The following RIMBP2 variants were observed in gnomAD, a reference collection of about 807,000 sequenced individuals.
RIMBP2 encodes RIMS binding protein 2.
RIMBP2 carries 48 observed loss-of-function variants against 118.6 expected under a neutral mutation model. The ratio of observed to expected loss-of-function variants is 0.40; its 90% confidence interval spans 0.32 to 0.51. The LOEUF (loss-of-function observed/expected upper bound fraction) is 0.51, where lower values mean the gene tolerates loss of function less well. RIMBP2 is among the 20% of genes least tolerant of loss of function. The pLI, the probability that RIMBP2 is intolerant of heterozygous loss-of-function variation, is 0.41. For missense variants in RIMBP2, 1,551 were observed against 1,768.3 expected, an observed-to-expected ratio of 0.88 and a Z score of 2.20; for synonymous variants, 762 against 742.9, an observed-to-expected ratio of 1.03 and a Z score of -0.42.
intron 2 of RIMBP2, among the ~76,000 whole-genome samples, chr12:130,569,632 G>C (rs919563133): frequency 3.3e-5 from 5 of 152,194 alleles, no homozygotes; most frequent in African/African-American, 1.2e-4. Flanking sequence ...CTATTCTCCT[G>C]ATAGTGGGTT....
In RIMBP2 at chr12:130,424,543, T is replaced by C. The variant is rs888745079; in HGVS notation, c.2728A>G (p.Ser910Gly). Residue 910 changes from serine (S) to glycine (G), a missense_variant, in exon 16 of 23, where the codon AGC (serine) becomes GGC (glycine). Coordinates refer to ENST00000690449, the MANE Select transcript of RIMBP2 (RefSeq NM_001393629.1). This position sits in a 1 kb window ranked among gnomAD's most constrained non-coding sequence, Gnocchi z 9.8. ...TCCGGGCTCCGGGTGGCCGAGCGGC[T>C]GAACCGACAGCCCCTGTCTTCCAGA... ...FLLEDRGCRF[S>G]RSATRSPDSG... The C allele has an allele frequency of 1.6e-6, 2 of 1,231,934 alleles. No homozygotes were observed. The highest frequency in any genetic ancestry group is 1.0e-6 in the Non-Finnish European group (1 of 987,822). The allele number at this position is 1,231,934 out of a possible 1,614,324, so 76.3% of individuals were successfully genotyped here.
At chr12:130,588,095 T>C (rs1463979008) in intron 2 of RIMBP2, among the ~76,000 whole-genome samples, 2 of 152,028 alleles carry the variant, frequency 1.3e-5, no homozygotes, top group East Asian at 3.9e-4. Flanking sequence ...CCCCATCCCA[T>C]CTGAATCATC....
intron 2 of RIMBP2, among the ~76,000 whole-genome samples, chr12:130,547,201 C>G (rs140014319): frequency 5.3e-5 from 8 of 152,260 alleles, no homozygotes; most frequent in African/African-American, 1.9e-4. Flanking sequence ...AGTTAGGGCT[C>G]TTTTAATATT....
In RIMBP2 at chr12:130,498,954, A is replaced by C. The variant is rs750655111; in HGVS notation, c.-4+7694T>G. Among the ~76,000 whole-genome samples the C allele has an allele frequency of 6.0e-4, 91 of 152,354 alleles. 1 individual carries two copies. The highest frequency in any genetic ancestry group is 6.8e-3 in the Middle Eastern group (2 of 294). ...AGTCCATTCTCACACTGCTATAAAG[A>C]CATACCTAAAACTGAGTAATTTGTG... On this transcript the variant is annotated intron_variant, in intron 4 of 22. Coordinates refer to ENST00000690449, the MANE Select transcript of RIMBP2 (RefSeq NM_001393629.1).
chr12:130,510,800 G>A (rs1417409837), intron 3 of RIMBP2, among the ~76,000 whole-genome samples: 1 of 152,156 alleles, frequency 6.6e-6, no homozygotes, highest in Non-Finnish European at 1.5e-5. Context: ...CTCGTCTCAT[G>A]CCACAATTAT....
At chr12:130,412,598 C>T (rs370443783) in intron 19 of RIMBP2, 21 bp downstream of exon 19, 16 of 1,607,132 alleles carry the variant, frequency 1.0e-5, no homozygotes, top group East Asian at 8.9e-5. Context: ...CAGGGAAGGT[C>T]GAATAGGGGT....
Position 130,688,267 on chromosome 12 carries a change from A to G in RIMBP2, c.-352+27955T>C, listed in dbSNP as rs538472447. 5.3e-5 allele frequency among the ~76,000 whole-genome samples: 8 copies of G among 152,128 alleles called. No homozygotes were observed. The highest frequency in any genetic ancestry group is 1.9e-4 in the African/African-American group (8 of 41,518). On this transcript the variant is annotated intron_variant, in intron 1 of 22. Coordinates refer to ENST00000690449, the MANE Select transcript of RIMBP2 (RefSeq NM_001393629.1). The surrounding 1 kb of genome is among the most constrained non-coding windows in gnomAD (Gnocchi z 4.7). The stretch of plus-strand genomic sequence containing the variant: ...ACGTGCCCAGCTCTGCACCATGGGC[A>G]CCCGGCAGACCCTCCTGCTGTTTCT...
chr12:130,607,712 G>A (rs531930006), intron 2 of RIMBP2, among the ~76,000 whole-genome samples: 7 of 152,072 alleles, frequency 4.6e-5, no homozygotes, highest in East Asian at 1.9e-4. Context: ...GAAACTGCTC[G>A]GAATGCTCAG....
intron 3 of RIMBP2, among the ~76,000 whole-genome samples, chr12:130,514,382 C>T (rs534524443): frequency 2.6e-5 from 4 of 152,350 alleles, no homozygotes; most frequent in African/African-American, 9.6e-5. Flanking sequence ...GCAGGGATGT[C>T]AAGCTGCACT....
In RIMBP2 at chr12:130,404,661, A is replaced by G. The variant is rs554633625; in HGVS notation, c.3765+1511T>C. The stretch of plus-strand genomic sequence containing the variant: ...AATAAATCTATGAATCTTTTCTGAC[A>G]GATGAAAGGAAAAACTTTTTAAGAG... On this transcript the variant is annotated intron_variant, in intron 21 of 22. Transcript: ENST00000690449. Among the ~76,000 whole-genome samples, 13 of 152,360 alleles carry G rather than the reference A, an allele frequency of 8.5e-5. No homozygotes were observed. The South Asian group carries it at 1.0e-3, about 12-fold the overall frequency.
rs186936970 is a variant in RIMBP2, at chr12:130,535,569, A to C, written c.-216-17652T>G. On this transcript the variant is annotated intron_variant, in intron 2 of 22. Coordinates refer to ENST00000690449, the MANE Select transcript of RIMBP2 (RefSeq NM_001393629.1). ...CTGCACAAGTACTAATCTAAGCACC[A>C]TTGCATAGACTAACTCATTTAATCC... 1.9e-3 allele frequency among the ~76,000 whole-genome samples: 282 copies of C among 151,836 alleles called. 1 individual carries two copies. Among genetic ancestry groups the C allele is most frequent in the Middle Eastern group, 0.01 (3 of 292 alleles).
intron 3 of RIMBP2, among the ~76,000 whole-genome samples, chr12:130,510,700 C>T (rs1224677374): frequency 2.0e-5 from 3 of 152,172 alleles, no homozygotes; most frequent in Non-Finnish European, 4.4e-5. Context: ...AACTCCTGAC[C>T]TCAAGTGATC....
intron 4 of RIMBP2, among the ~76,000 whole-genome samples, chr12:130,490,158 T>C (rs1480744129): frequency 6.8e-6 from 1 of 147,842 alleles, no homozygotes; most frequent in Non-Finnish European, 1.5e-5. Context: ...AAAAGAAAAG[T>C]GAATTAAGTA....
Position 130,451,302 on chromosome 12 carries a change from C to T in RIMBP2, c.397G>A (p.Glu133Lys), listed in dbSNP as rs1442364024. Residue 133 changes from glutamate (E) to lysine (K), a missense_variant, in exon 8 of 23, where the codon GAA becomes AAA. By Grantham distance (56) the Glu-to-Lys change is moderately conservative. This residue lies in a region of RIMBP2 where 239 missense variants were observed against 256.8 expected (regional missense o/e 0.93). Coordinates refer to ENST00000690449, the MANE Select transcript of RIMBP2 (RefSeq NM_001393629.1). ...GGCTGCGGAAGGGGCCGGATATATTCACCGATCGCAGAGCTGCCTCCAATA... is the reference window on the plus strand; with the variant it reads ...GGCTGCGGAAGGGGCCGGATATATTTACCGATCGCAGAGCTGCCTCCAATA... ...SAIGGSSAIG[E>K]YIRPLPQPGD... The T allele has an allele frequency of 6.2e-7, 1 of 1,614,064 alleles. No individual in the cohort carries two copies. The highest frequency in any genetic ancestry group is 1.1e-5 in the South Asian group (1 of 91,074).
intron 1 of RIMBP2, among the ~76,000 whole-genome samples, chr12:130,687,954 CT>C (rs2065134499): frequency 6.6e-6 from 1 of 152,206 alleles, no homozygotes; most frequent in Non-Finnish European, 1.5e-5. Context: ...TCAAAGCAAT[CT>C]GCGATTTTAG....
At chr12:130,689,298 T>TTACA (rs2065211755) in intron 1 of RIMBP2, among the ~76,000 whole-genome samples, 1 of 152,026 alleles carries the variant, frequency 6.6e-6, no homozygotes, top group Admixed American at 6.6e-5. Context: ...CTGAGTGTGG[T>TTACA]GGTGCGTGCC....
chr12:130,655,303 C>G lies in RIMBP2; in HGVS notation c.-351-26847G>C, dbSNP rs549653980. ...CTCTTGCTGCTGTCTGAAATTACCTCGTTATATACCAACTGTCTGCCACTC... is the reference window on the plus strand; with the variant it reads ...CTCTTGCTGCTGTCTGAAATTACCTGGTTATATACCAACTGTCTGCCACTC... On this transcript the variant is annotated intron_variant, in intron 1 of 22. Transcript: ENST00000690449. 7.2e-5 allele frequency among the ~76,000 whole-genome samples: 11 copies of G among 152,324 alleles called. No individual in the cohort carries two copies. In the East Asian group the frequency reaches 1.7e-3, roughly 24 times the overall value.
Position 130,434,613 on chromosome 12 carries a change from C to T in RIMBP2, c.2253+121G>A, listed in dbSNP as rs1339728966. 2 of 1,088,966 alleles carry T rather than the reference C, an allele frequency of 1.8e-6. No homozygotes were observed. Among genetic ancestry groups the T allele is most frequent in the Non-Finnish European group, 1.3e-6 (1 of 776,204 alleles). The allele number at this position is 1,088,966 out of a possible 1,614,324, so 67.5% of individuals were successfully genotyped here. A position where few individuals can be genotyped will look rare whatever the true frequency, so the allele number is the denominator to read the frequency against. ...ACGACTTAGGACCCCAGCTGGGCGT[C>T]TCCATCTCTCTCAGGGACCCAAGGG... On this transcript the variant is annotated intron_variant, in intron 14 of 22. Coordinates refer to ENST00000690449, the MANE Select transcript of RIMBP2 (RefSeq NM_001393629.1). This position sits in a 1 kb window ranked among gnomAD's most constrained non-coding sequence, Gnocchi z 5.7.
At chr12:130,416,302 T>C (rs1373689682) in intron 17 of RIMBP2, among the ~76,000 whole-genome samples, 1 of 152,208 alleles carries the variant, frequency 6.6e-6, no homozygotes, top group Non-Finnish European at 1.5e-5. Flanking sequence ...TCCGGAGGCA[T>C]CACATTACCT....
Sources: allele counts gnomAD v4.1 joint callset (sites outside exome capture counted in the v4.1 genomes callset), GRCh38; gene constraint gnomAD v4.1.1; regional missense constraint gnomAD v4.1.1; non-coding constraint Gnocchi (gnomAD v3.1); transcripts MANE v1.5; gene names NCBI Gene and HGNC (gene_info 2026-07-23, HGNC 2026-07-21).